Variants in KCNMA1 observed in about 807,000 individuals in gnomAD.
KCNMA1 encodes the protein Calcium-activated potassium channel subunit alpha-1.
Under a neutral mutation model 140.0 loss-of-function variants are expected in KCNMA1, and 29 were observed. That is an observed-to-expected ratio of 0.21 (90% CI 0.15 to 0.28). KCNMA1 has a LOEUF of 0.28. KCNMA1 is among the 10% of genes least tolerant of loss of function. The pLI is 1.00. For synonymous variants in KCNMA1, 612 were observed against 611.9 expected (o/e 1.00, Z 0.00); for missense variants, 880 against 1,602.2 (o/e 0.55, Z 7.70).
At chr10:76,991,955 G>A (rs539264746) in intron 19 of KCNMA1, among the ~76,000 whole-genome samples, 17 of 152,282 alleles carry the variant, frequency 1.1e-4, no homozygotes, top group Non-Finnish European at 2.4e-4. Flanking sequence ...CCAGCTCTAG[G>A]GCTGGAGTCT....
At chr10:77,514,838 T>G (rs768407912) in intron 1 of KCNMA1, among the ~76,000 whole-genome samples, 17 of 152,318 alleles carry the variant, frequency 1.1e-4, no homozygotes, top group Non-Finnish European at 2.2e-4. Context: ...TCTGACCTTC[T>G]GCCTCTTCAC....
chr10:76,869,822 T>C (rs2030861442), exon 28 of KCNMA1: 1 of 152,504 alleles, frequency 6.6e-6, no homozygotes, highest in South Asian at 2.1e-4. Flanking sequence ...ATGCCAACAA[T>C]CAAAAGATTG....
At chr10:77,008,402 T>C (rs2089763967) in intron 18 of KCNMA1, among the ~76,000 whole-genome samples, 1 of 152,138 alleles carries the variant, frequency 6.6e-6, no homozygotes. Context: ...CAAGGTTTGT[T>C]ATATAGAAAA....
chr10:77,393,010 T>C (rs2095888722), intron 2 of KCNMA1, among the ~76,000 whole-genome samples: 1 of 152,150 alleles, frequency 6.6e-6, no homozygotes, highest in Admixed American at 6.5e-5. Flanking sequence ...CCCAGCCCGT[T>C]CTCCAGTCCC....
At chr10:77,590,372 A>C (rs947711995) in intron 1 of KCNMA1, among the ~76,000 whole-genome samples, 16 of 152,176 alleles carry the variant, frequency 1.1e-4, no homozygotes, top group Non-Finnish European at 2.1e-4. Context: ...ACAGGAGCCC[A>C]CGGAGGGGCA....
chr10:77,484,749 T>C (rs1245982632), intron 1 of KCNMA1, among the ~76,000 whole-genome samples: 1 of 152,226 alleles, frequency 6.6e-6, no homozygotes, highest in Non-Finnish European at 1.5e-5. Context: ...TCAGTGGGGC[T>C]GAAAGCAAGC....
At chr10:77,436,308 G>T (rs16934766) in intron 1 of KCNMA1, among the ~76,000 whole-genome samples, 4 of 152,196 alleles carry the variant, frequency 2.6e-5, no homozygotes, top group Non-Finnish European at 4.4e-5. Context: ...AATTCAAGGC[G>T]TACCAAACTT....
intron 2 of KCNMA1, among the ~76,000 whole-genome samples, chr10:77,382,456 C>G (rs779137399): frequency 6.6e-6 from 1 of 152,166 alleles, no homozygotes; most frequent in Non-Finnish European, 1.5e-5. Context: ...CTATCAGCAT[C>G]GCTGTCCAGA....
intron 19 of KCNMA1, among the ~76,000 whole-genome samples, chr10:76,991,490 C>A (rs1465822959): frequency 6.6e-6 from 1 of 152,164 alleles, no homozygotes; most frequent in Non-Finnish European, 1.5e-5. Context: ...TCTTCTTGTA[C>A]ATCCCAGTTT....
intron 3 of KCNMA1, among the ~76,000 whole-genome samples, chr10:77,230,750 C>T (rs1230981417): frequency 6.6e-6 from 1 of 152,138 alleles, no homozygotes; most frequent in Non-Finnish European, 1.5e-5. Context: ...CTCTTTGGCT[C>T]AAAGCTCATA....
intron 1 of KCNMA1, among the ~76,000 whole-genome samples, chr10:77,510,757 C>T (rs956735343): frequency 6.6e-5 from 10 of 152,108 alleles, no homozygotes; most frequent in African/African-American, 2.4e-4. Context: ...ATGACAGCGC[C>T]ACTGCACTCC....
At chr10:77,581,987 C>T (rs2076021190) in intron 1 of KCNMA1, among the ~76,000 whole-genome samples, 1 of 152,224 alleles carries the variant, frequency 6.6e-6, no homozygotes, top group Admixed American at 6.5e-5. Flanking sequence ...AGAGTAAAAC[C>T]TCTTTTTAAA....
intron 15 of KCNMA1, among the ~76,000 whole-genome samples, chr10:77,032,231 C>T (rs2093986642): frequency 6.6e-6 from 1 of 152,132 alleles, no homozygotes; most frequent in Non-Finnish European, 1.5e-5. Flanking sequence ...TTCAGTATAC[C>T]CAGAACTGAT....
chr10:77,268,407 T>C (rs2154277249), intron 2 of KCNMA1, among the ~76,000 whole-genome samples: 1 of 152,278 alleles, frequency 6.6e-6, no homozygotes, highest in African/African-American at 2.4e-5. Context: ...AGCATTTCCA[T>C]GCTGCTAGTG....
At chr10:76,896,116 C>T (rs1647009369) in intron 25 of KCNMA1, among the ~76,000 whole-genome samples, 1 of 152,206 alleles carries the variant, frequency 6.6e-6, no homozygotes, top group Non-Finnish European at 1.5e-5. Flanking sequence ...CCTAGCAAGC[C>T]TGGGGGCGCT....
intron 1 of KCNMA1, among the ~76,000 whole-genome samples, chr10:77,491,145 C>A (rs1272607704): frequency 6.6e-6 from 1 of 152,208 alleles, no homozygotes; most frequent in Non-Finnish European, 1.5e-5. Context: ...CCAAAATCCC[C>A]CACAGTGCTG....
chr10:77,295,467 T>A (rs1404150313), intron 2 of KCNMA1, among the ~76,000 whole-genome samples: 1 of 151,760 alleles, frequency 6.6e-6, no homozygotes, highest in Non-Finnish European at 1.5e-5. Flanking sequence ...TCACTGAAAG[T>A]GTACACTAGA....
At chr10:76,900,144 T>C (rs1234084784) in intron 25 of KCNMA1, among the ~76,000 whole-genome samples, 1 of 152,116 alleles carries the variant, frequency 6.6e-6, no homozygotes, top group Non-Finnish European at 1.5e-5. Context: ...AGATCATTTT[T>C]ATTATTAAAC....
intron 14 of KCNMA1, among the ~76,000 whole-genome samples, chr10:77,072,640 G>GAAAT (rs2096255931): frequency 6.6e-6 from 1 of 152,156 alleles, no homozygotes; most frequent in African/African-American, 2.4e-5. Context: ...TGATTGTGCA[G>GAAAT]AAATAAATAA....
Sources: allele counts gnomAD v4.1 joint callset (sites outside exome capture counted in the v4.1 genomes callset), GRCh38; gene constraint gnomAD v4.1.1; transcripts MANE v1.5; gene names NCBI Gene and HGNC (gene_info 2026-07-23, HGNC 2026-07-21).